The following SRPK1 variants were observed in gnomAD, a reference collection of about 807,000 sequenced individuals.
SRPK1 encodes the protein SRSF protein kinase 1.
SRPK1 carries 52 observed loss-of-function variants against 89.5 expected under a neutral mutation model. That is an observed-to-expected ratio of 0.58 (90% CI 0.46 to 0.73). The LOEUF (loss-of-function observed/expected upper bound fraction) is 0.73. SRPK1 is among the 30% of genes least tolerant of loss of function. The pLI is 0.00. For missense variants in SRPK1, 603 were observed against 780.6 expected (o/e 0.77, Z 2.71); for synonymous variants, 255 against 270.2 (o/e 0.94, Z 0.55).
At chr6:35,888,185 A>G in intron 4 of SRPK1, 74 bp from the exon 5 acceptor site, 1 of 992,864 alleles carries the variant, frequency 1.0e-6, no homozygotes, top group Non-Finnish European at 1.5e-6. Flanking sequence ...TAGCTATAAG[A>G]TGGTTAAAAA....
At position 35,888,236 on chromosome 6, in the gene SRPK1, G is replaced by C. The variant is rs958827535; in HGVS notation, c.303-125C>G. On this transcript the variant is annotated intron_variant, in intron 4 of 15. Transcript: ENST00000373825. ...TCACGTTTCCCTGTAGCCCAAACAA[G>C]CTACTTCTATGGGAACATTTATACT... is the stretch of plus-strand genomic sequence containing the variant. 5.7e-6 allele frequency: 3 copies of C among 524,190 alleles called. No homozygotes were observed. In the African/African-American group the frequency reaches 5.9e-5, roughly 10 times the overall value. The allele number at this position is 524,190 out of a possible 1,614,324, so 32.5% of individuals were successfully genotyped here.
intron 13 of SRPK1, among the ~76,000 whole-genome samples, chr6:35,851,361 A>G (rs931650072): frequency 5.3e-5 from 8 of 151,934 alleles, no homozygotes; most frequent in African/African-American, 1.9e-4. Context: ...TTTGGTAGAG[A>G]CAGGGTTTCA....
At chr6:35,851,205 C>A (rs1769548810) in intron 13 of SRPK1, among the ~76,000 whole-genome samples, 2 of 148,774 alleles carry the variant, frequency 1.3e-5, no homozygotes, top group African/African-American at 5.0e-5. Context: ...TTTTTTGAGA[C>A]AGGGTCTCAC....
At chr6:35,858,706 C>T (rs887457943) in intron 12 of SRPK1, among the ~76,000 whole-genome samples, 1 of 152,142 alleles carries the variant, frequency 6.6e-6, no homozygotes, top group Non-Finnish European at 1.5e-5. Context: ...GAAACTATTG[C>T]TTGTTGCATG....
chr6:35,862,820 T>A (rs1157137735), intron 12 of SRPK1, among the ~76,000 whole-genome samples: 1 of 150,536 alleles, frequency 6.6e-6, no homozygotes, highest in Non-Finnish European at 1.5e-5. Context: ...GTGACAGATA[T>A]CTTAAAACAA....
At chr6:35,841,830 CAAAAAAAAAA>C (rs749935901) in intron 14 of SRPK1, among the ~76,000 whole-genome samples, 4 of 44,728 alleles carry the variant, frequency 8.9e-5, no homozygotes, top group East Asian at 6.2e-4. Context: ...GACTCCGTCT[CAAAAAAAAAA>C]AAAAAAAAAA....
intron 6 of SRPK1, among the ~76,000 whole-genome samples, chr6:35,885,194 A>G (rs1216285699): frequency 6.6e-6 from 1 of 151,114 alleles, no homozygotes; most frequent in East Asian, 1.9e-4. Context: ...AAAAACAGAT[A>G]TGGCCATCAC....
Position 35,857,242 on chromosome 6 carries a change from C to A in SRPK1, c.1620+19G>T, listed in dbSNP as rs531962877. ...TATGTACCACTTAACAAGTGAAAGC[C>A]AAGGGGAAAAAACATTACCATGCAT... On this transcript the variant is annotated intron_variant, in intron 13 of 15. Transcript: ENST00000373825. 5.7e-6 allele frequency: 9 copies of A among 1,586,524 alleles called. No individual in the cohort carries two copies. In the South Asian group the frequency reaches 9.0e-5, roughly 16 times the overall value.
chr6:35,883,085 G>A (rs1340598237), intron 6 of SRPK1, among the ~76,000 whole-genome samples: 3 of 152,188 alleles, frequency 2.0e-5, no homozygotes, highest in Non-Finnish European at 4.4e-5. Flanking sequence ...GGGATTATAG[G>A]CGTGAGCCAC....
At chr6:35,846,728 G>A (rs1489213152) in intron 13 of SRPK1, among the ~76,000 whole-genome samples, 1 of 152,036 alleles carries the variant, frequency 6.6e-6, no homozygotes, top group East Asian at 1.9e-4. Context: ...AACCTACAAA[G>A]ATTGAACCAT....
Position 35,888,028 on chromosome 6 carries a change from T to A in SRPK1, c.386A>T (p.Lys129Met). Residue 129 changes from lysine to methionine, a missense_variant, in exon 5 of 16, where the codon AAG becomes ATG. Physicochemically the swap from Lys to Met is moderately conservative, Grantham distance 95. Coordinates refer to ENST00000373825, the MANE Select transcript of SRPK1 (RefSeq NM_003137.5). Reference sequence around the variant, plus strand: ...TACATATAATCTAATACTCACTGACTTCAGCAACCGGATTTCATCTAGTGC... The same window carrying A: ...TACATATAATCTAATACTCACTGACATCAGCAACCGGATTTCATCTAGTGC... ...ETALDEIRLL[K>M]SVRNSDPNDP... 1 of 1,599,602 alleles carries A rather than the reference T, an allele frequency of 6.3e-7. No individual in the cohort carries two copies. Among genetic ancestry groups the A allele is most frequent in the Non-Finnish European group, 8.5e-7 (1 of 1,175,254 alleles).
At chr6:35,889,224 T>G (rs1055379791) in intron 3 of SRPK1, among the ~76,000 whole-genome samples, 1 of 152,044 alleles carries the variant, frequency 6.6e-6, no homozygotes, top group African/African-American at 2.4e-5. Context: ...AATAATTCAA[T>G]AGGTTTATCT....
chr6:35,880,742 A>AAAAAAAAAAAAAAAAAAAAAAAAAAAAAG, intron 6 of SRPK1, among the ~76,000 whole-genome samples: 6 of 28,192 alleles, frequency 2.1e-4, no homozygotes, highest in East Asian at 1.0e-3. Flanking sequence ...AAAGAAAAAA[A>AAAAAAAAAAAAAAAAAAAAAAAAAAAAAG]AAAAAAAAGA....
intron 15 of SRPK1, among the ~76,000 whole-genome samples, chr6:35,837,528 A>G (rs1769205964): frequency 6.6e-6 from 1 of 152,198 alleles, no homozygotes; most frequent in African/African-American, 2.4e-5. Context: ...CTAGTGGAGT[A>G]GCCAGGATTT....
At chr6:35,844,238 C>T (rs113317914) in intron 13 of SRPK1, among the ~76,000 whole-genome samples, 2,415 of 152,064 alleles carry the variant, frequency 0.016, 26 homozygotes, top group Middle Eastern at 0.037. Context: ...CTCCTGACCT[C>T]GTGATCCGCC....
chr6:35,860,750 G>A (rs1769764481), intron 12 of SRPK1, among the ~76,000 whole-genome samples: 1 of 151,834 alleles, frequency 6.6e-6, no homozygotes, highest in African/African-American at 2.4e-5. Context: ...AAGTGTTGTG[G>A]AGAAAAAAAA....
Position 35,869,037 on chromosome 6 carries a change from A to G in SRPK1, c.1485T>C (p.Ile495=). The G allele has an allele frequency of 6.2e-7, 1 of 1,614,094 alleles. No homozygotes were observed. Among genetic ancestry groups the G allele is most frequent in the Non-Finnish European group, 8.5e-7 (1 of 1,179,990 alleles). ...PKNAEKLKVK[I]ADLGNACWVH... ...CCCAACAAGCATTTCCAAGGTCAGC[A>G]ATCTTCACCTTGAGCTTTTCTGCAT... Residue 495 remains isoleucine (I), a synonymous_variant, in exon 12 of 16, where the codon ATT becomes ATC. Transcript: ENST00000373825.
At position 35,838,990 on chromosome 6, in the gene SRPK1, T is replaced by A. The variant is rs556415901; in HGVS notation, c.1691-561A>T. 1.1e-5 allele frequency: 5 copies of A among 444,916 alleles called. No individual in the cohort carries two copies. The Admixed American group carries it at 1.6e-4, about 14-fold the overall frequency. 27.6% of individuals were successfully genotyped at this position (444,916 alleles called of 1,614,324 possible). ...ACCCGATAGTGTCTGGCAAGTCCCA[T>A]TCTGGATTTTGGAGGCTTATCTTCA... On this transcript the variant is annotated intron_variant, in intron 14 of 15. Coordinates refer to ENST00000373825, the MANE Select transcript of SRPK1 (RefSeq NM_003137.5).
intron 13 of SRPK1, among the ~76,000 whole-genome samples, chr6:35,844,037 C>T (rs1769375713): frequency 6.9e-6 from 1 of 145,556 alleles, no homozygotes; most frequent in African/African-American, 2.6e-5. Context: ...TGGAGTCTCG[C>T]TCTGTCGCCC....
Sources: allele counts gnomAD v4.1 joint callset (sites outside exome capture counted in the v4.1 genomes callset), GRCh38; gene constraint gnomAD v4.1.1; transcripts MANE v1.5; gene names NCBI Gene and HGNC (gene_info 2026-07-23, HGNC 2026-07-21).